Variants in STK32B observed in about 807,000 individuals in gnomAD.
STK32B encodes serine/threonine-protein kinase 32B.
In STK32B, 43 loss-of-function variants were observed where a neutral mutation model predicts 52.6. That is an observed-to-expected ratio of 0.82 (90% CI 0.64 to 1.05). The LOEUF (loss-of-function observed/expected upper bound fraction) is 1.05. Among genes scored for constraint, STK32B ranks in the 50% least tolerant of loss-of-function variants. STK32B has a pLI of 0.00. For synonymous variants in STK32B, 238 were observed against 204.3 expected, an observed-to-expected ratio of 1.17 and a Z score of -1.41; for missense variants, 621 against 534.6, an observed-to-expected ratio of 1.16 and a Z score of -1.59.
Position 5,317,093 on chromosome 4 carries a change from A to G in STK32B, c.261-14127A>G, listed in dbSNP as rs1577337708. Among the ~76,000 whole-genome samples, 14 of 36,538 alleles carry G rather than the reference A, an allele frequency of 3.8e-4. No individual in the cohort carries two copies. In the South Asian group the frequency reaches 0.02, roughly 52 times the overall value. 24.0% of individuals were successfully genotyped at this position (36,538 alleles called of 152,430 possible). On this transcript the variant is annotated intron_variant, in intron 3 of 11. Coordinates refer to ENST00000282908, the MANE Select transcript of STK32B (RefSeq NM_018401.3). ...ATATTATATATTATATATATAATAT[A>G]TATGATATAATATATAATATATATA... is the stretch of plus-strand genomic sequence containing the variant.
chr4:5,164,474 C>T (rs1445122994), intron 2 of STK32B, among the ~76,000 whole-genome samples: 1 of 152,206 alleles, frequency 6.6e-6, no homozygotes, highest in Non-Finnish European at 1.5e-5. Flanking sequence ...GACCCCTATC[C>T]AAATAAGAGC....
intron 5 of STK32B, among the ~76,000 whole-genome samples, chr4:5,411,565 G>A (rs942562802): frequency 2.6e-5 from 4 of 152,166 alleles, no homozygotes; most frequent in African/African-American, 9.7e-5. Context: ...GTGTGTGGGA[G>A]GTTGTATGCA....
At chr4:5,163,512 C>G (rs1182970601) in intron 2 of STK32B, among the ~76,000 whole-genome samples, 4 of 148,056 alleles carry the variant, frequency 2.7e-5, no homozygotes, top group Admixed American at 1.4e-4. Flanking sequence ...CAAAGAAATT[C>G]TAAAGAGTTT....
intron 2 of STK32B, among the ~76,000 whole-genome samples, chr4:5,159,610 AATATATATGAATATATATGAAT>A (rs1718208452): frequency 3.1e-5 from 3 of 95,310 alleles, no homozygotes; most frequent in South Asian, 6.2e-4. Context: ...TATATATATG[AATATATATGAATATATATGAAT>A]ATATATATGA....
chr4:5,416,950 C>T lies in STK32B; in HGVS notation c.562+16C>T. 6.2e-7 allele frequency: 1 copy of T among 1,603,986 alleles called. No homozygotes were observed. The highest frequency in any genetic ancestry group is 1.1e-5 in the South Asian group (1 of 89,252). On this transcript the variant is annotated intron_variant, in intron 6 of 11. Transcript: ENST00000282908. The stretch of plus-strand genomic sequence containing the variant: ...CCCTACATGGGTGAGTGTTCCAGGC[C>T]CCTTCTTTTCATGTGATCGGGCTCA...
chr4:5,081,881 A>G (rs1013495601), intron 1 of STK32B, among the ~76,000 whole-genome samples: 4 of 152,066 alleles, frequency 2.6e-5, no homozygotes, highest in African/African-American at 9.7e-5. Flanking sequence ...ATGTATCTTC[A>G]TTTCTTTGGG....
At chr4:5,264,481 TA>T (rs943268678) in intron 3 of STK32B, among the ~76,000 whole-genome samples, 128 of 139,310 alleles carry the variant, frequency 9.2e-4, no homozygotes, top group East Asian at 8.8e-3. Flanking sequence ...TTTTAAAACT[TA>T]AAAAAAAAAA....
intron 4 of STK32B, among the ~76,000 whole-genome samples, chr4:5,353,063 A>G (rs909213167): frequency 1.3e-4 from 20 of 152,174 alleles, no homozygotes; most frequent in Admixed American, 6.6e-4. Context: ...ATAGACACAT[A>G]GATCAATGGG....
intron 7 of STK32B, among the ~76,000 whole-genome samples, chr4:5,456,476 C>G (rs929290998): frequency 2.0e-5 from 3 of 152,218 alleles, no homozygotes; most frequent in Non-Finnish European, 4.4e-5. Flanking sequence ...AGTCAGCCCG[C>G]AAGCCTGTGA....
intron 4 of STK32B, among the ~76,000 whole-genome samples, chr4:5,382,175 C>T (rs183901016): frequency 6.6e-6 from 1 of 152,268 alleles, no homozygotes; most frequent in Admixed American, 6.5e-5. Context: ...CAAAAATACT[C>T]CCACTGAAAC....
At chr4:5,423,357 G>C (rs1174844323) in intron 6 of STK32B, among the ~76,000 whole-genome samples, 1 of 152,098 alleles carries the variant, frequency 6.6e-6, no homozygotes, top group African/African-American at 2.4e-5. Flanking sequence ...GGAAATGTTG[G>C]CCACTGAGCC....
chr4:5,185,509 C>T (rs776083265), intron 3 of STK32B, among the ~76,000 whole-genome samples: 9 of 152,136 alleles, frequency 5.9e-5, no homozygotes, highest in South Asian at 2.1e-4. Context: ...AAGGCAGAGC[C>T]GATCTGGCTG....
chr4:5,085,815 C>T (rs538373554), intron 1 of STK32B, among the ~76,000 whole-genome samples: 1 of 152,252 alleles, frequency 6.6e-6, no homozygotes, highest in South Asian at 2.1e-4. Flanking sequence ...AGTCTCATTC[C>T]CCATTTACTA....
chr4:5,287,693 T>C (rs1339570590), intron 3 of STK32B, among the ~76,000 whole-genome samples: 1 of 152,076 alleles, frequency 6.6e-6, no homozygotes, highest in Non-Finnish European at 1.5e-5. Flanking sequence ...AAAATTCTTT[T>C]TTTTTACACA....
At chr4:5,368,972 T>G (rs1013821875) in intron 4 of STK32B, among the ~76,000 whole-genome samples, 1 of 152,066 alleles carries the variant, frequency 6.6e-6, no homozygotes, top group Non-Finnish European at 1.5e-5. Flanking sequence ...GTCTGTAGTA[T>G]TAGAATTGTA....
chr4:5,106,795 T>G (rs1389736431), intron 1 of STK32B, among the ~76,000 whole-genome samples: 1 of 150,944 alleles, frequency 6.6e-6, no homozygotes, highest in Non-Finnish European at 1.5e-5. Context: ...CTGAAAAATG[T>G]TTCATTTACT....
chr4:5,116,428 T>C (rs1288012240), intron 1 of STK32B, among the ~76,000 whole-genome samples: 2 of 152,238 alleles, frequency 1.3e-5, no homozygotes, highest in Non-Finnish European at 2.9e-5. Context: ...TGTTTTGATA[T>C]ACCTACATCT....
intron 2 of STK32B, among the ~76,000 whole-genome samples, chr4:5,161,318 G>A (rs1201789182): frequency 6.6e-6 from 1 of 152,172 alleles, no homozygotes; most frequent in African/African-American, 2.4e-5. Flanking sequence ...TCAGCAGCAA[G>A]GGACAAAAAA....
chr4:5,229,476 C>G (rs1724104943), intron 3 of STK32B, among the ~76,000 whole-genome samples: 1 of 152,012 alleles, frequency 6.6e-6, no homozygotes, highest in Non-Finnish European at 1.5e-5. Context: ...TGTTTTCTGA[C>G]CTGGTTTCTT....
Sources: allele counts gnomAD v4.1 joint callset (sites outside exome capture counted in the v4.1 genomes callset), GRCh38; gene constraint gnomAD v4.1.1; transcripts MANE v1.5; gene names NCBI Gene and HGNC (gene_info 2026-07-23, HGNC 2026-07-21).